Variants in PLCB1 observed in about 807,000 individuals in gnomAD.
PLCB1 encodes the protein 1-phosphatidylinositol 4,5-bisphosphate phosphodiesterase beta-1.
In PLCB1, 46 loss-of-function variants were observed where a neutral mutation model predicts 161.8. The observed-to-expected ratio is 0.28, with a 90% CI of 0.22 to 0.36. PLCB1 has a LOEUF of 0.36. Ranked by LOEUF, PLCB1 falls within the 10% of genes least tolerant of loss-of-function variation. The probability of loss-of-function intolerance (pLI) is 1.00; values close to 1 mark genes in which losing one functional copy is unlikely to be tolerated. For missense variants in PLCB1, 1,016 were observed against 1,472.5 expected, an observed-to-expected ratio of 0.69 and a Z score of 5.07; for synonymous variants, 517 against 503.7, an observed-to-expected ratio of 1.03 and a Z score of -0.35.
At chr20:8,386,141 A>G (rs141682774) in intron 3 of PLCB1, among the ~76,000 whole-genome samples, 2 of 152,274 alleles carry the variant, frequency 1.3e-5, no homozygotes, top group East Asian at 3.9e-4. Context: ...CTTAATGTTG[A>G]TATTTTGACC....
chr20:8,340,293 G>A (rs897280924), intron 2 of PLCB1, among the ~76,000 whole-genome samples: 4 of 152,140 alleles, frequency 2.6e-5, no homozygotes, highest in Admixed American at 2.0e-4. Context: ...GCTTGAGCTG[G>A]GGCTCTTTGG....
intron 11 of PLCB1, among the ~76,000 whole-genome samples, chr20:8,698,596 G>A (rs576423573): frequency 6.6e-6 from 1 of 152,138 alleles, no homozygotes; most frequent in Non-Finnish European, 1.5e-5. Flanking sequence ...GTCAAGTTGG[G>A]TTTGTTTGCT....
At chr20:8,518,908 A>T (rs996171126) in intron 3 of PLCB1, among the ~76,000 whole-genome samples, 1 of 151,954 alleles carries the variant, frequency 6.6e-6, no homozygotes, top group South Asian at 2.1e-4. Flanking sequence ...CATAAGGAGC[A>T]TGCAAAGTAG....
At chr20:8,765,023 T>C (rs1982242366) in intron 25 of PLCB1, 116 bp from the exon 26 acceptor site, 5 of 766,494 alleles carry the variant, frequency 6.5e-6, no homozygotes, top group Non-Finnish European at 1.1e-5. Context: ...CAAGCTTTGC[T>C]CTTAAACTCT....
intron 23 of PLCB1, chr20:8,752,308 A>G (rs1023281146): frequency 7.9e-5 from 12 of 152,230 alleles, no homozygotes; most frequent in African/African-American, 2.4e-4. Context: ...GGCAAGTTAC[A>G]TGACTTTTAA....
chr20:8,804,557 G>T (rs193198308), intron 31 of PLCB1, among the ~76,000 whole-genome samples: 1 of 151,872 alleles, frequency 6.6e-6, no homozygotes, highest in Non-Finnish European at 1.5e-5. Context: ...AGAACAAAAC[G>T]TTCTTTTATA....
Position 8,796,138 on chromosome 20 carries a change from C to G in PLCB1, c.3423+5877C>G, listed in dbSNP as rs546443537. On this transcript the variant is annotated intron_variant, in intron 31 of 31. Transcript: ENST00000338037. ...AGGTTTTCTGCTTAATTTAGCTCATCATCAAGAGAGAATTCCGGGAAGCTT... is the reference window on the plus strand; with the variant it reads ...AGGTTTTCTGCTTAATTTAGCTCATGATCAAGAGAGAATTCCGGGAAGCTT... Among the ~76,000 whole-genome samples the G allele has an allele frequency of 2.2e-4, 34 of 152,278 alleles. 1 individual carries two copies. The South Asian group carries it at 6.6e-3, about 30-fold the overall frequency.
intron 4 of PLCB1, among the ~76,000 whole-genome samples, chr20:8,631,975 A>C (rs959427001): frequency 3.3e-5 from 5 of 150,728 alleles, no homozygotes; most frequent in Non-Finnish European, 5.9e-5. Context: ...TTAATTCAAC[A>C]AATGAAAACC....
chr20:8,315,719 A>G (rs1191756474), intron 2 of PLCB1, among the ~76,000 whole-genome samples: 2 of 151,978 alleles, frequency 1.3e-5, no homozygotes, highest in Non-Finnish European at 2.9e-5. Context: ...TTGCTTACAT[A>G]TTTCCTGCTA....
chr20:8,774,193 T>C (rs1451276079), intron 26 of PLCB1, among the ~76,000 whole-genome samples: 2 of 152,196 alleles, frequency 1.3e-5, no homozygotes, highest in Non-Finnish European at 2.9e-5. Flanking sequence ...TGTCACATTT[T>C]AAAATAACAA....
chr20:8,782,640 C>T (rs1414278085), intron 27 of PLCB1, among the ~76,000 whole-genome samples: 1 of 152,126 alleles, frequency 6.6e-6, no homozygotes. Flanking sequence ...GATCCTCCTG[C>T]CTCTACCTTG....
chr20:8,451,400 T>G (rs1981069037), intron 3 of PLCB1, among the ~76,000 whole-genome samples: 2 of 152,192 alleles, frequency 1.3e-5, no homozygotes, highest in Non-Finnish European at 2.9e-5. Flanking sequence ...CAGGCTGAAG[T>G]GCAGTGGCAC....
chr20:8,341,176 TC>T (rs1480659561), intron 2 of PLCB1, among the ~76,000 whole-genome samples: 1 of 152,124 alleles, frequency 6.6e-6, no homozygotes, highest in Admixed American at 6.5e-5. Context: ...GGTTAGTACT[TC>T]CTCATCACCA....
chr20:8,810,846 C>T (rs1021301262), intron 31 of PLCB1, among the ~76,000 whole-genome samples: 17 of 152,280 alleles, frequency 1.1e-4, no homozygotes, highest in Admixed American at 3.9e-4. Flanking sequence ...TGCTTGTAGT[C>T]CCAGCTACTT....
chr20:8,332,022 G>A (rs552474755), intron 2 of PLCB1, among the ~76,000 whole-genome samples: 4 of 152,326 alleles, frequency 2.6e-5, no homozygotes, highest in African/African-American at 7.2e-5. Context: ...ATTCAAGACC[G>A]TGAACTGGAA....
intron 31 of PLCB1, among the ~76,000 whole-genome samples, chr20:8,820,197 G>A (rs1007627407): frequency 2.7e-5 from 4 of 147,112 alleles, no homozygotes; most frequent in Non-Finnish European, 4.5e-5. Flanking sequence ...TGGATACAGA[G>A]TCAACTGTAT....
At chr20:8,207,565 C>T (rs1165301935) in intron 2 of PLCB1, among the ~76,000 whole-genome samples, 1 of 151,950 alleles carries the variant, frequency 6.6e-6, no homozygotes, top group Non-Finnish European at 1.5e-5. Flanking sequence ...TTTTGTTCCT[C>T]TATAATATTA....
intron 10 of PLCB1, among the ~76,000 whole-genome samples, chr20:8,689,281 G>A (rs906992430): frequency 3.3e-5 from 5 of 152,022 alleles, no homozygotes; most frequent in African/African-American, 7.2e-5. Context: ...CAATCATATC[G>A]TCAGCAGTCA....
chr20:8,696,141 A>G (rs138337767), intron 10 of PLCB1, among the ~76,000 whole-genome samples: 135 of 152,292 alleles, frequency 8.9e-4, no homozygotes, highest in African/African-American at 3.1e-3. Flanking sequence ...TTTAGCTCTT[A>G]TATTTGTACA....
Sources: allele counts gnomAD v4.1 joint callset (sites outside exome capture counted in the v4.1 genomes callset), GRCh38; gene constraint gnomAD v4.1.1; transcripts MANE v1.5; gene names NCBI Gene and HGNC (gene_info 2026-07-23, HGNC 2026-07-21).